HOMER3: variants seen among roughly 807,000 people sequenced by gnomAD.
The protein encoded by HOMER3 is homer scaffold protein 3, also known as homer protein homolog 3.
A neutral mutation model predicts 45.5 loss-of-function variants in HOMER3; 34 were observed. The ratio of observed to expected loss-of-function variants is 0.75; its 90% CI spans 0.57 to 1.00. HOMER3 has a LOEUF of 1.00. Among genes scored for constraint, HOMER3 ranks in the 50% least tolerant of loss-of-function variants. The pLI is 0.00. For missense variants in HOMER3, 480 were observed against 497.5 expected, an observed-to-expected ratio of 0.96 and a Z score of 0.33; for synonymous variants, 223 against 208.8, an observed-to-expected ratio of 1.07 and a Z score of -0.58.
intron 4 of HOMER3, among the ~76,000 whole-genome samples, chr19:18,937,184 G>A (rs528518975): frequency 1.1e-4 from 17 of 151,558 alleles, no homozygotes; most frequent in African/African-American, 3.4e-4. Flanking sequence ...GGTGGCATAC[G>A]CCTATAGTCT....
At chr19:18,932,843 C>T (rs2057051895) in intron 6 of HOMER3, 81 bp downstream of exon 6, 5 of 1,123,998 alleles carry the variant, frequency 4.4e-6, no homozygotes, top group Non-Finnish European at 5.9e-6. Context: ...CGTCCTGGCA[C>T]TCCCTTGGCT....
chr19:18,935,133 C>T (rs1318098839), intron 4 of HOMER3, among the ~76,000 whole-genome samples: 1 of 136,394 alleles, frequency 7.3e-6, no homozygotes, highest in African/African-American at 2.8e-5. Flanking sequence ...CAGCACCCAG[C>T]CTTTTTTTTT....
intron 4 of HOMER3, among the ~76,000 whole-genome samples, chr19:18,935,297 G>A (rs1447490775): frequency 2.0e-5 from 3 of 151,768 alleles, no homozygotes; most frequent in Admixed American, 6.6e-5. Context: ...GTGCCACCAC[G>A]CCCAGCTAAT....
rs2145123753 is a variant in HOMER3, at chr19:18,933,016, G to A, written c.441C>T (p.Asn147=). The A allele has an allele frequency of 2.0e-6, 3 of 1,488,838 alleles. No individual in the cohort carries two copies. Among genetic ancestry groups the A allele is most frequent in the South Asian group, 1.4e-5 (1 of 73,374 alleles). The allele number at this position is 1,488,838 out of a possible 1,614,324, so 92.2% of individuals were successfully genotyped here. Residue 147 remains asparagine, a synonymous_variant, in exon 6 of 10, where the codon AAC becomes AAT. Coordinates refer to ENST00000392351, the MANE Select transcript of HOMER3 (RefSeq NM_004838.4). ...GGAACAGTTTTTCCTCGCCGGGGCC[G>A]TTGGCACTGACGAGAGGGCTCGGGG... The part of the protein sequence containing the change: ...QVPPSPLVSA[N]GPGEEKLFRS...
Position 18,937,704 on chromosome 19 carries a change from C to CGTG in HOMER3, c.303+646_303+648dup, listed in dbSNP as rs937455948. ...AAAAAAAAAAAAAGAAGAAGATCTT[C>CGTG]GTGAAAGCACTCATCATCAACAAAA... On this transcript the variant is annotated intron_variant, in intron 4 of 9. Coordinates refer to ENST00000392351, the MANE Select transcript of HOMER3 (RefSeq NM_004838.4). Among the ~76,000 whole-genome samples the CGTG allele has an allele frequency of 5.3e-5, 8 of 150,382 alleles. 1 individual carries two copies. The highest frequency in any genetic ancestry group is 1.3e-4 in the Admixed American group (2 of 15,070).
chr19:18,933,348 G>C (rs954133791), intron 5 of HOMER3, among the ~76,000 whole-genome samples: 3 of 152,294 alleles, frequency 2.0e-5, no homozygotes, highest in Admixed American at 1.3e-4. Context: ...GGTAGGGGAG[G>C]GGTACAATCG....
In HOMER3 at chr19:18,938,779, G is replaced by T; in HGVS notation, c.120C>A (p.Phe40Leu). 1.2e-6 allele frequency: 2 copies of T among 1,600,426 alleles called. No individual in the cohort carries two copies. Among genetic ancestry groups the T allele is most frequent in the Non-Finnish European group, 1.7e-6 (2 of 1,173,786 alleles). Residue 40 changes from phenylalanine (F) to leucine (L), a missense_variant, in exon 3 of 10, where the codon TTC (phenylalanine) becomes TTA (leucine). Transcript: ENST00000392351. Reference sequence around the variant, plus strand: ...GGTACACATTGCGGGTGGCATCGTAGAAATAGGAGACAGTGAGTGCGTGCT... The same window carrying T: ...GGTACACATTGCGGGTGGCATCGTATAAATAGGAGACAGTGAGTGCGTGCT... ...AGKHALTVSY[F>L]YDATRNVYRI...
intron 3 of HOMER3, 55 bp downstream of exon 3, chr19:18,938,673 C>A (rs2057120506): frequency 1.9e-6 from 3 of 1,556,988 alleles, no homozygotes; most frequent in East Asian, 2.4e-5. Context: ...CCACCAGACC[C>A]AAGGTTGTCA....
rs187323928 is a variant in HOMER3 at position 18,933,602 on chromosome 19, C to G, written c.412-557G>C. Among the ~76,000 whole-genome samples the G allele has an allele frequency of 2.3e-3, 343 of 152,298 alleles. 7 individuals carry two copies. The highest frequency in any genetic ancestry group is 0.021 in the Admixed American group (322 of 15,294). Reference sequence around the variant, plus strand: ...CTCTCCAACCCCTGTGCACAGCCCTCGGCCTGGTACACAGCAGGTGCTCAA... The same window carrying G: ...CTCTCCAACCCCTGTGCACAGCCCTGGGCCTGGTACACAGCAGGTGCTCAA... On this transcript the variant is annotated intron_variant, in intron 5 of 9. Coordinates refer to ENST00000392351, the MANE Select transcript of HOMER3 (RefSeq NM_004838.4).
chr19:18,936,025 A>C (rs1163196177), intron 4 of HOMER3, among the ~76,000 whole-genome samples: 1 of 150,324 alleles, frequency 6.7e-6, no homozygotes, highest in African/African-American at 2.4e-5. Context: ...TCTCAAAATA[A>C]ATAGATAAGG....
Position 18,929,302 on chromosome 19 carries a change from C to T in HOMER3, c.*141G>A. The T allele has an allele frequency of 7.4e-6, 7 of 952,016 alleles. No individual in the cohort carries two copies. In the South Asian group the frequency reaches 9.0e-5, roughly 12 times the overall value. The allele number at this position is 952,016 out of a possible 1,614,324, so 59.0% of individuals were successfully genotyped here. ...AACAACCAGAGCCGACTGGGGCCCA[C>T]CCCAGCCCAGCCCGGCCCGGCCCAC... On this transcript the variant is annotated 3_prime_UTR_variant, in exon 10 of 10. Transcript: ENST00000392351.
At chr19:18,936,365 A>G (rs1359540988) in intron 4 of HOMER3, among the ~76,000 whole-genome samples, 2 of 147,762 alleles carry the variant, frequency 1.4e-5, no homozygotes, top group Non-Finnish European at 3.0e-5. Context: ...GGCTGGGTGC[A>G]GTGGCTCACA....
At chr19:18,938,160 C>G (rs1051589619) in intron 4 of HOMER3, among the ~76,000 whole-genome samples, 193 bp downstream of exon 4, 1 of 147,172 alleles carries the variant, frequency 6.8e-6, no homozygotes, top group Non-Finnish European at 1.5e-5. Flanking sequence ...CAGCCTATCT[C>G]AAAAAAAAAA....
At position 18,932,055 on chromosome 19, in the gene HOMER3, C is replaced by T. The variant is rs769635917; in HGVS notation, c.611G>A (p.Arg204Gln). The change falls in exon 7 of 10, where the codon CGA becomes CAA. Residue 204 changes from arginine (R) to glutamine (Q), a missense_variant. By Grantham distance (43) the Arg-to-Gln change is conservative (BLOSUM62 1). Coordinates refer to ENST00000392351, the MANE Select transcript of HOMER3 (RefSeq NM_004838.4). ...DSNNKLAGALREANAAAAQWR... is the reference protein window; with the variant it reads ...DSNNKLAGALQEANAAAAQWR... Reference sequence around the variant, plus strand: ...CTGGGCTGCGGCGGCGTTGGCCTCTCGCAGGGCGCCTGCCAGCTTGTTGTT... The same window carrying T: ...CTGGGCTGCGGCGGCGTTGGCCTCTTGCAGGGCGCCTGCCAGCTTGTTGTT... 1 of 1,558,090 alleles carries T rather than the reference C, an allele frequency of 6.4e-7. No homozygotes were observed.
intron 5 of HOMER3, 109 bp downstream of exon 5, chr19:18,934,194 G>A (rs912319753): frequency 3.2e-5 from 19 of 585,436 alleles, no homozygotes; most frequent in Middle Eastern, 4.7e-4. Flanking sequence ...GGGTCTTGAC[G>A]ACCAGCAGAG....
In HOMER3 at chr19:18,933,188, C is replaced by T. The variant is rs986763772; in HGVS notation, c.412-143G>A. 4 of 1,055,080 alleles carry T rather than the reference C, an allele frequency of 3.8e-6. No homozygotes were observed. In the Admixed American group the frequency reaches 1.6e-4, roughly 42 times the overall value. The allele number at this position is 1,055,080 out of a possible 1,614,324, so 65.4% of individuals were successfully genotyped here. Reference sequence around the variant, plus strand: ...CAGCACAGGATCCAAGTGTGTCCCTCCCCACCTCACCCACCCTCCATGGCT... The same window carrying T: ...CAGCACAGGATCCAAGTGTGTCCCTTCCCACCTCACCCACCCTCCATGGCT... On this transcript the variant is annotated intron_variant, in intron 5 of 9. Coordinates refer to ENST00000392351, the MANE Select transcript of HOMER3 (RefSeq NM_004838.4).
At position 18,938,838 on chromosome 19, in the gene HOMER3, G is replaced by T. The variant is rs182760613; in HGVS notation, c.61C>A (p.Pro21Thr). 1 of 1,601,686 alleles carries T rather than the reference G, an allele frequency of 6.2e-7. No individual in the cohort carries two copies. Among genetic ancestry groups the T allele is most frequent in the East Asian group, 2.3e-5 (1 of 44,424 alleles). The part of the protein sequence containing the change: ...STRAHVFQID[P>T]ATKRNWIPAG... The stretch of plus-strand genomic sequence containing the variant: ...GGGATCCAGTTTCGCTTGGTGGCTG[G>T]GTCAATTTGGAACACGTGCGCCCGT... Residue 21 changes from proline (P) to threonine (T), a missense_variant, in exon 3 of 10, where the codon CCA (proline) becomes ACA (threonine). By Grantham distance (38) the Pro-to-Thr change is conservative. Transcript: ENST00000392351.
chr19:18,933,351 T>G (rs55658895), intron 5 of HOMER3, among the ~76,000 whole-genome samples: 3,575 of 152,092 alleles, frequency 0.024, 151 homozygotes, highest in African/African-American at 0.08. Flanking sequence ...AGGGGAGGGG[T>G]ACAATCGGAC....
intron 9 of HOMER3, among the ~76,000 whole-genome samples, chr19:18,929,900 G>A (rs1249743742): frequency 5.9e-5 from 9 of 151,706 alleles, no homozygotes; most frequent in Non-Finnish European, 8.8e-5. Context: ...TACAACCTCC[G>A]CCTCCCAGGT....
Sources: gnomAD v4.1 joint callset for allele counts (sites outside exome capture counted in the v4.1 genomes callset) on GRCh38, gnomAD v4.1.1 for gene constraint, MANE v1.5 for transcripts, NCBI Gene and HGNC (gene_info 2026-07-23, HGNC 2026-07-21) for gene names.